Variants in MUSK observed in about 807,000 individuals in gnomAD.
MUSK encodes muscle, skeletal receptor tyrosine-protein kinase.
A neutral mutation model predicts 88.7 loss-of-function variants in MUSK; 55 were observed. The observed-to-expected ratio is 0.62, with a 90% CI of 0.50 to 0.78. The LOEUF is 0.78. Ranked by LOEUF, MUSK falls within the 30% of genes least tolerant of loss-of-function variation. MUSK has a pLI of 0.00. For synonymous variants in MUSK, 387 were observed against 391.9 expected, an observed-to-expected ratio of 0.99 and a Z score of 0.15; for missense variants, 1,015 against 1,074.3, an observed-to-expected ratio of 0.94 and a Z score of 0.77.
intron 3 of MUSK, among the ~76,000 whole-genome samples, chr9:110,689,681 A>ATG (rs1184436926): frequency 2.7e-5 from 2 of 73,372 alleles, no homozygotes; most frequent in African/African-American, 1.6e-4. Context: ...TATTATATAT[A>ATG]ACTATATATA....
chr9:110,732,689 TC>T (rs2076981062), intron 5 of MUSK, among the ~76,000 whole-genome samples: 1 of 152,118 alleles, frequency 6.6e-6, no homozygotes, highest in African/African-American at 2.4e-5. Flanking sequence ...CAATTTTGCT[TC>T]TGGGGGACAG....
intron 11 of MUSK, 67 bp from the exon 12 acceptor site, chr9:110,784,748 G>T (rs895125702): frequency 8.1e-7 from 1 of 1,232,556 alleles, no homozygotes; most frequent in Admixed American, 2.2e-5. Flanking sequence ...TTTACTGATT[G>T]CTTAAATACA....
rs34097715 is a variant in MUSK, at chr9:110,701,689, AC to A, written c.628+4224del. ...TATTTTATTTTATTTTTTTTACTTTACTTTATTTTATTTTATTTTATTTTAT... is the reference window on the plus strand; with the variant it reads ...TATTTTATTTTATTTTTTTTACTTTATTTATTTTATTTTATTTTATTTTAT... On this transcript the variant is annotated intron_variant, in intron 5 of 14. Transcript: ENST00000374448. Among the ~76,000 whole-genome samples, 5 of 5,704 alleles carry A rather than the reference AC, an allele frequency of 8.8e-4. 2 individuals carry two copies. In the South Asian group the frequency reaches 0.017, roughly 20 times the overall value. 3.7% of individuals were successfully genotyped at this position (5,704 alleles called of 152,430 possible). A position where few individuals can be genotyped will look rare whatever the true frequency, so the allele number is the denominator to read the frequency against.
At chr9:110,683,056 A>C (rs902437414) in intron 2 of MUSK, among the ~76,000 whole-genome samples, 5 of 150,968 alleles carry the variant, frequency 3.3e-5, no homozygotes, top group Non-Finnish European at 7.4e-5. Flanking sequence ...TTGTCTTATC[A>C]AATAGTAGGA....
At chr9:110,768,362 G>A (rs1040309128) in intron 9 of MUSK, among the ~76,000 whole-genome samples, 11 of 152,134 alleles carry the variant, frequency 7.2e-5, no homozygotes. Context: ...GCCAGGTGTG[G>A]TGGTGCACTT....
chr9:110,688,398 C>T (rs763314820), intron 3 of MUSK, among the ~76,000 whole-genome samples: 4 of 151,906 alleles, frequency 2.6e-5, no homozygotes, highest in Non-Finnish European at 5.9e-5. Context: ...TCTCTATGTA[C>T]ACACGTATGT....
intron 5 of MUSK, among the ~76,000 whole-genome samples, chr9:110,701,924 A>C (rs963371228): frequency 3.1e-5 from 4 of 130,640 alleles, no homozygotes; most frequent in Non-Finnish European, 4.9e-5. Context: ...ATTTTATTTT[A>C]TTTCATAGAG....
At chr9:110,791,189 A>G (rs2077969045) in intron 14 of MUSK, among the ~76,000 whole-genome samples, 2 of 150,220 alleles carry the variant, frequency 1.3e-5, no homozygotes, top group African/African-American at 4.9e-5. Flanking sequence ...CTGCATTTCC[A>G]TCTGAGGTAC....
At chr9:110,766,753 G>A (rs2077491140) in intron 8 of MUSK, among the ~76,000 whole-genome samples, 1 of 151,990 alleles carries the variant, frequency 6.6e-6, no homozygotes, top group Non-Finnish European at 1.5e-5. Flanking sequence ...AACTAAATTC[G>A]ATAGTTGTAC....
intron 5 of MUSK, among the ~76,000 whole-genome samples, chr9:110,712,732 AG>A (rs2076688209): frequency 1.3e-5 from 2 of 152,232 alleles, no homozygotes; most frequent in Non-Finnish European, 2.9e-5. Flanking sequence ...ATCTGCAAAT[AG>A]TAAGATATCA....
intron 5 of MUSK, among the ~76,000 whole-genome samples, chr9:110,703,788 A>G (rs918148220): frequency 4.6e-5 from 7 of 152,168 alleles, no homozygotes; most frequent in South Asian, 2.1e-4. Flanking sequence ...AGAAAGAGAA[A>G]ATACAGAAAA....
chr9:110,685,410 C>G lies in MUSK; in HGVS notation c.207-1707C>G, dbSNP rs76762593. Among the ~76,000 whole-genome samples, 72 of 152,180 alleles carry G rather than the reference C, an allele frequency of 4.7e-4. No individual in the cohort carries two copies. The East Asian group carries it at 0.01, about 22-fold the overall frequency. On this transcript the variant is annotated intron_variant, in intron 2 of 14. Coordinates refer to ENST00000374448, the MANE Select transcript of MUSK (RefSeq NM_005592.4). ...GCCAATAATCCCAAATCATCAAGTC[C>G]TGGTTCCTTTTTTGCTTAGCAGTTT...
chr9:110,726,706 G>A (rs2131819452), intron 5 of MUSK, among the ~76,000 whole-genome samples: 1 of 152,098 alleles, frequency 6.6e-6, no homozygotes, highest in East Asian at 1.9e-4. Flanking sequence ...TAAGTTACTT[G>A]GCTGATAAAG....
intron 5 of MUSK, among the ~76,000 whole-genome samples, chr9:110,709,970 C>CT (rs1450099683): frequency 7.7e-5 from 8 of 103,666 alleles, no homozygotes; most frequent in Non-Finnish European, 6.9e-5. Flanking sequence ...CATAGTGAGA[C>CT]CCCCCTCTCT....
intron 5 of MUSK, among the ~76,000 whole-genome samples, chr9:110,698,151 G>A (rs2076457712): frequency 6.6e-6 from 1 of 152,112 alleles, no homozygotes; most frequent in Admixed American, 6.6e-5. Context: ...AGAACTATCA[G>A]CACACCTCTA....
intron 5 of MUSK, among the ~76,000 whole-genome samples, chr9:110,730,503 G>A (rs1171492512): frequency 6.6e-6 from 1 of 151,926 alleles, no homozygotes; most frequent in Non-Finnish European, 1.5e-5. Flanking sequence ...TATTTAATAA[G>A]AAACATGTCA....
intron 6 of MUSK, among the ~76,000 whole-genome samples, chr9:110,739,789 C>A (rs1239831187): frequency 3.3e-5 from 5 of 152,100 alleles, no homozygotes; most frequent in Non-Finnish European, 1.5e-5. Context: ...GGGTGCATGT[C>A]CAACCCAGTC....
chr9:110,670,521 T>A (rs924296964), intron 1 of MUSK, among the ~76,000 whole-genome samples: 2 of 152,202 alleles, frequency 1.3e-5, no homozygotes, highest in Non-Finnish European at 2.9e-5. Context: ...TCTGAATAAG[T>A]CTTAATTTAT....
chr9:110,776,092 C>G, intron 10 of MUSK, 129 bp downstream of exon 10: 2 of 837,468 alleles, frequency 2.4e-6, no homozygotes, highest in South Asian at 3.8e-5. Context: ...GTTCTGCCTT[C>G]CTTAGATACC....
Sources: gnomAD v4.1 joint callset for allele counts (sites outside exome capture counted in the v4.1 genomes callset) on GRCh38, gnomAD v4.1.1 for gene constraint, MANE v1.5 for transcripts, NCBI Gene and HGNC (gene_info 2026-07-23, HGNC 2026-07-21) for gene names.